The following RGS17 variants were observed in gnomAD, a reference collection of about 807,000 sequenced individuals.
The protein encoded by RGS17 is regulator of G-protein signaling 17.
RGS17 carries 12 observed loss-of-function variants against 25.5 expected under a neutral mutation model. The observed-to-expected ratio is 0.47, with a 90% CI of 0.30 to 0.76. RGS17 has a LOEUF of 0.76. RGS17 is among the 30% of genes least tolerant of loss of function. The probability of loss-of-function intolerance (pLI) is 0.07; values close to 1 mark genes in which losing one functional copy is unlikely to be tolerated. For missense variants in RGS17, 196 were observed against 242.2 expected (o/e 0.81, Z 1.27); for synonymous variants, 71 against 76.9 (o/e 0.92, Z 0.40).
chr6:153,056,838 C>CTGTGTGTGTGTG (rs59058708), intron 1 of RGS17, among the ~76,000 whole-genome samples: 6 of 144,494 alleles, frequency 4.2e-5, no homozygotes, highest in African/African-American at 1.3e-4. Context: ...AGAGGAAGGG[C>CTGTGTGTGTGTG]TGTGTGTGTG....
At chr6:153,102,311 T>A (rs1015845805) in intron 1 of RGS17, among the ~76,000 whole-genome samples, 1 of 152,180 alleles carries the variant, frequency 6.6e-6, no homozygotes, top group African/African-American at 2.4e-5. Flanking sequence ...ATTACAAGAA[T>A]AACATGTATG....
At position 153,111,601 on chromosome 6, in the gene RGS17, G is replaced by A. The variant is rs753116914; in HGVS notation, c.-26+19523C>T. Among the ~76,000 whole-genome samples, 4 of 152,322 alleles carry A rather than the reference G, an allele frequency of 2.6e-5. No individual in the cohort carries two copies. In the South Asian group the frequency reaches 6.2e-4, roughly 24 times the overall value. ...AGCACTTGAGCTCTGCTAAGGGACC[G>A]ACTGCCTCCTCAAGTGGGTCCCTGA... On this transcript the variant is annotated intron_variant, in intron 1 of 4. Transcript: ENST00000206262.
intron 1 of RGS17, among the ~76,000 whole-genome samples, chr6:153,054,825 A>G (rs182881474): frequency 6.7e-4 from 102 of 152,252 alleles, no homozygotes; most frequent in African/African-American, 2.3e-3. Context: ...CCTTCTGGAA[A>G]GAAATTCCTA....
chr6:153,028,320 G>T (rs971612538), intron 2 of RGS17, among the ~76,000 whole-genome samples: 1 of 152,164 alleles, frequency 6.6e-6, no homozygotes, highest in African/African-American at 2.4e-5. Context: ...GCTGCACATT[G>T]ACTAGACCCC....
chr6:153,022,123 G>A (rs1373237525), intron 4 of RGS17, among the ~76,000 whole-genome samples: 5 of 152,120 alleles, frequency 3.3e-5, no homozygotes, highest in Non-Finnish European at 5.9e-5. Flanking sequence ...CAGGAGATTC[G>A]CTTGAACCCA....
intron 2 of RGS17, among the ~76,000 whole-genome samples, chr6:153,030,990 T>C (rs144793953): frequency 6.6e-6 from 1 of 152,266 alleles, no homozygotes; most frequent in East Asian, 1.9e-4. Context: ...GGGTTGAAAA[T>C]GGGCAGTTGT....
At chr6:153,122,895 G>A (rs1292813859) in intron 1 of RGS17, among the ~76,000 whole-genome samples, 1 of 106,590 alleles carries the variant, frequency 9.4e-6, no homozygotes, top group Non-Finnish European at 1.9e-5. Context: ...AGTAGGTAGG[G>A]AAAATGTTAG....
chr6:153,075,091 C>T (rs759947757), intron 1 of RGS17, among the ~76,000 whole-genome samples: 2 of 152,276 alleles, frequency 1.3e-5, no homozygotes, highest in East Asian at 3.9e-4. Flanking sequence ...TGAGTTCATA[C>T]ATTTTATTTT....
At chr6:153,122,075 A>G (rs941925588) in intron 1 of RGS17, among the ~76,000 whole-genome samples, 3 of 152,168 alleles carry the variant, frequency 2.0e-5, no homozygotes, top group African/African-American at 4.8e-5. Flanking sequence ...TTAAGATATA[A>G]TGAGTTTTTA....
In RGS17 at chr6:153,040,697, CT is replaced by C. The variant is rs1776310049; in HGVS notation, c.119+3202del. Among the ~76,000 whole-genome samples, 3 of 150,986 alleles carry C rather than the reference CT, an allele frequency of 2.0e-5. No individual in the cohort carries two copies. The South Asian group carries it at 6.3e-4, about 31-fold the overall frequency. ...ATCTGAAGAACATTTATTTCTTTTTCTTTTTACTTCAGAAAGCCTGTACAAT... is the reference window on the plus strand; with the variant it reads ...ATCTGAAGAACATTTATTTCTTTTTCTTTTACTTCAGAAAGCCTGTACAAT... On this transcript the variant is annotated intron_variant, in intron 2 of 4. Transcript: ENST00000206262.
At chr6:153,041,675 C>A (rs1424235614) in intron 2 of RGS17, among the ~76,000 whole-genome samples, 1 of 152,142 alleles carries the variant, frequency 6.6e-6, no homozygotes, top group Non-Finnish European at 1.5e-5. Context: ...ATTACAGGAA[C>A]CTGGTATAGT....
At position 153,007,996 on chromosome 6, in the gene RGS17, T is replaced by A. The variant is rs1388768314; in HGVS notation, c.*3578A>T. Reference sequence around the variant, plus strand: ...CAACACCAAAGCATCTAATAATTGGTATTTTTTGAGATATAATTTGTCACA... The same window carrying A: ...CAACACCAAAGCATCTAATAATTGGAATTTTTTGAGATATAATTTGTCACA... On this transcript the variant is annotated 3_prime_UTR_variant, in exon 5 of 5. Transcript: ENST00000206262. 1 of 152,242 alleles carries A rather than the reference T, an allele frequency of 6.6e-6. No individual in the cohort carries two copies. The highest frequency in any genetic ancestry group is 2.4e-5 in the African/African-American group (1 of 41,468). 9.4% of individuals were successfully genotyped at this position (152,242 alleles called of 1,614,324 possible). A position where few individuals can be genotyped will look rare whatever the true frequency, so the allele number is the denominator to read the frequency against.
At chr6:153,094,168 C>T (rs1259640954) in intron 1 of RGS17, among the ~76,000 whole-genome samples, 1 of 151,864 alleles carries the variant, frequency 6.6e-6, no homozygotes, top group Non-Finnish European at 1.5e-5. Context: ...CTCTGCCTCC[C>T]GGGTTCAAGC....
At chr6:153,061,558 T>C (rs1318718483) in intron 1 of RGS17, among the ~76,000 whole-genome samples, 1 of 152,208 alleles carries the variant, frequency 6.6e-6, no homozygotes, top group Non-Finnish European at 1.5e-5. Flanking sequence ...AAAAAGGGTA[T>C]TCCAGAGACT....
At chr6:153,081,218 C>T (rs930153802) in intron 1 of RGS17, among the ~76,000 whole-genome samples, 1 of 152,060 alleles carries the variant, frequency 6.6e-6, no homozygotes, top group African/African-American at 2.4e-5. Context: ...TTATTATTGT[C>T]AATTTTTCTG....
At chr6:153,056,944 G>A (rs943500332) in intron 1 of RGS17, among the ~76,000 whole-genome samples, 1 of 151,092 alleles carries the variant, frequency 6.6e-6, no homozygotes, top group Non-Finnish European at 1.5e-5. Context: ...TATTGAGGAT[G>A]ATGAATATGA....
chr6:153,042,487 C>A (rs1776335117), intron 2 of RGS17, among the ~76,000 whole-genome samples: 1 of 152,184 alleles, frequency 6.6e-6, no homozygotes, highest in Admixed American at 6.6e-5. Flanking sequence ...GTAAGACATG[C>A]CTTTGCTCCT....
intron 1 of RGS17, among the ~76,000 whole-genome samples, chr6:153,102,606 C>T: frequency 6.6e-6 from 1 of 152,110 alleles, no homozygotes; most frequent in East Asian, 1.9e-4. Context: ...GTAACGCTGT[C>T]AATGTCACAG....
chr6:153,129,246 T>C (rs988736656), intron 1 of RGS17, among the ~76,000 whole-genome samples: 1 of 152,230 alleles, frequency 6.6e-6, no homozygotes, highest in African/African-American at 2.4e-5. Flanking sequence ...CAGTCTCCCA[T>C]GAGTGTGCTA....
Sources: gnomAD v4.1 joint callset for allele counts (sites outside exome capture counted in the v4.1 genomes callset) on GRCh38, gnomAD v4.1.1 for gene constraint, MANE v1.5 for transcripts, NCBI Gene and HGNC (gene_info 2026-07-23, HGNC 2026-07-21) for gene names.